TGFBR1: variants seen among roughly 807,000 people sequenced by gnomAD.
TGFBR1 encodes the protein transforming growth factor beta receptor 1, also known as TGF-beta receptor type-1.
TGFBR1 carries 20 observed loss-of-function variants against 55.1 expected under a neutral mutation model. The observed-to-expected ratio is 0.36, with a 90% CI of 0.26 to 0.53. TGFBR1 has a LOEUF of 0.53. Ranked by LOEUF, TGFBR1 falls within the 20% of genes least tolerant of loss-of-function variation. The pLI, the probability that TGFBR1 is intolerant of heterozygous loss-of-function variation, is 0.91. For synonymous variants in TGFBR1, 220 were observed against 214.8 expected, an observed-to-expected ratio of 1.02 and a Z score of -0.21; for missense variants, 385 against 617.6, an observed-to-expected ratio of 0.62 and a Z score of 3.99.
At chr9:99,114,585 A>G (rs1588563157) in intron 1 of TGFBR1, among the ~76,000 whole-genome samples, 2 of 152,236 alleles carry the variant, frequency 1.3e-5, no homozygotes, top group South Asian at 2.1e-4. Context: ...TTTCTTCTCC[A>G]GTTTAAGTCT....
At chr9:99,131,168 A>C (rs1313645828) in intron 2 of TGFBR1, among the ~76,000 whole-genome samples, 1 of 152,194 alleles carries the variant, frequency 6.6e-6, no homozygotes, top group African/African-American at 2.4e-5. Flanking sequence ...AAAGAATTAT[A>C]TAAGCATTTA....
rs766128194 is a variant in TGFBR1 at position 99,146,440 on chromosome 9, A to T, written c.1131-45A>T. On this transcript the variant is annotated intron_variant, in intron 6 of 8. Coordinates refer to ENST00000374994, the MANE Select transcript of TGFBR1 (RefSeq NM_004612.4). ...GAAAGGAGGTTCATCCAAATATGGCAGTAAGGGGATGATTTTCAAAGTTCT... is the reference window on the plus strand; with the variant it reads ...GAAAGGAGGTTCATCCAAATATGGCTGTAAGGGGATGATTTTCAAAGTTCT... The T allele has an allele frequency of 7.4e-6, 12 of 1,612,482 alleles. No homozygotes were observed. The African/African-American group carries it at 1.3e-4, about 18-fold the overall frequency.
rs1827373586 is a variant in TGFBR1, at chr9:99,134,805, TATATATATATATATATATATATA to T, written c.574+2067_574+2089del. On this transcript the variant is annotated intron_variant, in intron 3 of 8. Coordinates refer to ENST00000374994, the MANE Select transcript of TGFBR1 (RefSeq NM_004612.4). ...CAATGGAATAATTCTGTTTCCATTA[TATATATATATATATATATATATA>T]TATATATATATATATATATATATAT... 1.7e-3 allele frequency among the ~76,000 whole-genome samples: 54 copies of T among 31,796 alleles called. 3 individuals are homozygous for T. The highest frequency in any genetic ancestry group is 2.6e-3 in the South Asian group (2 of 764). 20.9% of individuals were successfully genotyped at this position (31,796 alleles called of 152,430 possible).
At chr9:99,135,712 A>G (rs187203948) in intron 3 of TGFBR1, among the ~76,000 whole-genome samples, 8 of 152,198 alleles carry the variant, frequency 5.3e-5, no homozygotes, top group Admixed American at 5.2e-4. Context: ...TTTCCTGTTC[A>G]CTGCATGTAA....
At chr9:99,120,860 A>G (rs950554246) in intron 1 of TGFBR1, among the ~76,000 whole-genome samples, 1 of 152,144 alleles carries the variant, frequency 6.6e-6, no homozygotes, top group Non-Finnish European at 1.5e-5. Context: ...TACTTGTGTG[A>G]TTTATTTCGA....
intron 1 of TGFBR1, chr9:99,127,810 T>C (rs899490740): frequency 5.0e-6 from 2 of 403,544 alleles, no homozygotes; most frequent in Non-Finnish European, 9.9e-6. Context: ...ATGTCTGTGC[T>C]TTGCAATTTC....
chr9:99,145,435 C>G (rs1827761986), intron 6 of TGFBR1, among the ~76,000 whole-genome samples: 1 of 152,136 alleles, frequency 6.6e-6, no homozygotes, highest in Non-Finnish European at 1.5e-5. Context: ...TGAACTGGGA[C>G]CGTTGAGGCA....
intron 8 of TGFBR1, among the ~76,000 whole-genome samples, chr9:99,148,624 TAAATA>T (rs1827877968): frequency 6.6e-6 from 1 of 152,112 alleles, no homozygotes; most frequent in Non-Finnish European, 1.5e-5. Flanking sequence ...CAGGCCCAAA[TAAATA>T]AAATGTATTT....
At chr9:99,126,352 A>G (rs1370371848) in intron 1 of TGFBR1, among the ~76,000 whole-genome samples, 3 of 152,096 alleles carry the variant, frequency 2.0e-5, no homozygotes, top group Non-Finnish European at 4.4e-5. Flanking sequence ...TCAGGGCAAT[A>G]TTTTTTATGT....
At chr9:99,105,838 C>T (rs1826396813) in intron 1 of TGFBR1, among the ~76,000 whole-genome samples, 1 of 152,142 alleles carries the variant, frequency 6.6e-6, no homozygotes, top group South Asian at 2.1e-4. Flanking sequence ...TCTAGGGCTT[C>T]GTCCAGTGGG....
rs940090988 is a variant in TGFBR1 at position 99,140,256 on chromosome 9, C to A, written c.805+2167C>A. Among the ~76,000 whole-genome samples the A allele has an allele frequency of 1.9e-4, 29 of 152,250 alleles. No individual in the cohort carries two copies. In the Middle Eastern group the frequency reaches 0.01, roughly 54 times the overall value. On this transcript the variant is annotated intron_variant, in intron 4 of 8. Coordinates refer to ENST00000374994, the MANE Select transcript of TGFBR1 (RefSeq NM_004612.4). ...ACGAGGTCAAGAGTTCAAGACCAGC[C>A]TGGCTGGCCAAGATGATGAAACCCC...
chr9:99,111,418 G>T (rs1826575042), intron 1 of TGFBR1, among the ~76,000 whole-genome samples: 1 of 149,618 alleles, frequency 6.7e-6, no homozygotes, highest in South Asian at 2.1e-4. Context: ...CACGAGGTCA[G>T]GAGTTCGAGA....
At chr9:99,131,466 ATGG>A (rs1827222471) in intron 2 of TGFBR1, among the ~76,000 whole-genome samples, 1 of 152,208 alleles carries the variant, frequency 6.6e-6, no homozygotes, top group Non-Finnish European at 1.5e-5. Context: ...TATGAAAGAA[ATGG>A]TGGTAAGCAG....
At chr9:99,146,037 A>G (rs1475920925) in intron 6 of TGFBR1, 3 of 263,746 alleles carry the variant, frequency 1.1e-5, no homozygotes, top group Non-Finnish European at 1.5e-5. Context: ...GTCCTGACCC[A>G]TAATTTTGGT....
chr9:99,145,746 A>T (rs1458097347), intron 6 of TGFBR1: 1 of 152,592 alleles, frequency 6.6e-6, no homozygotes, highest in Non-Finnish European at 1.5e-5. Flanking sequence ...CAAACCCCTT[A>T]TCACAAGCTG....
chr9:99,135,947 C>T (rs1473824542), intron 3 of TGFBR1, among the ~76,000 whole-genome samples: 5 of 151,332 alleles, frequency 3.3e-5, no homozygotes, highest in African/African-American at 1.2e-4. Context: ...CTTCACCTCC[C>T]GGGTTCAAGC....
intron 1 of TGFBR1, among the ~76,000 whole-genome samples, chr9:99,118,005 C>G (rs770161744): frequency 1.3e-5 from 2 of 152,084 alleles, no homozygotes; most frequent in Non-Finnish European, 2.9e-5. Context: ...TTTATTTTAT[C>G]TCCTTTGTAA....
chr9:99,151,556 C>A lies in TGFBR1; in HGVS notation c.*2251C>A, dbSNP rs921961980. 4 of 230,018 alleles carry A rather than the reference C, an allele frequency of 1.7e-5. No individual in the cohort carries two copies. Among genetic ancestry groups the A allele is most frequent in the Admixed American group, 5.7e-5 (1 of 17,664 alleles). The allele number at this position is 230,018 out of a possible 1,614,324, so 14.2% of individuals were successfully genotyped here. A position where few individuals can be genotyped will look rare whatever the true frequency, so the allele number is the denominator to read the frequency against. On this transcript the variant is annotated 3_prime_UTR_variant, in exon 9 of 9. Transcript: ENST00000374994. ...GATTTAAAGTTGTAATACATGATTT[C>A]TCACTTTCATGTAAGGTTATCCACT... is the stretch of plus-strand genomic sequence containing the variant.
intron 4 of TGFBR1, among the ~76,000 whole-genome samples, chr9:99,142,304 T>TA (rs1370847897): frequency 6.6e-6 from 1 of 152,216 alleles, no homozygotes; most frequent in Non-Finnish European, 1.5e-5. Flanking sequence ...TTAAATGGGA[T>TA]TAATTATACT....
Sources: gnomAD v4.1 joint callset for allele counts (sites outside exome capture counted in the v4.1 genomes callset) on GRCh38, gnomAD v4.1.1 for gene constraint, MANE v1.5 for transcripts, NCBI Gene and HGNC (gene_info 2026-07-23, HGNC 2026-07-21) for gene names.